The following SLC3A2 variants were observed in gnomAD, a reference collection of about 807,000 sequenced individuals.
SLC3A2 encodes solute carrier family 3 member 2.
In SLC3A2, 32 loss-of-function variants were observed where a neutral mutation model predicts 48.5. That is an observed-to-expected ratio of 0.66 (90% CI 0.50 to 0.89). SLC3A2 has a LOEUF of 0.89. SLC3A2 is among the 40% of genes least tolerant of loss of function. The pLI is 0.00. For missense variants in SLC3A2, 587 were observed against 680.7 expected, an observed-to-expected ratio of 0.86 and a Z score of 1.53; for synonymous variants, 277 against 288.8, an observed-to-expected ratio of 0.96 and a Z score of 0.41.
Position 62,885,361 on chromosome 11 carries a change from A to C in SLC3A2, c.999+4A>C. ...CAATCGCTGGTGCAGCTGGAGTGTG[A>C]GTACCATGCTGGTGGGAAAGGGGGC... On this transcript the variant is annotated splice_donor_region_variant and intron_variant, in intron 6 of 8. Coordinates refer to ENST00000338663, the MANE Select transcript of SLC3A2 (RefSeq NM_001013251.3). 6.2e-7 allele frequency: 1 copy of C among 1,614,160 alleles called. No homozygotes were observed. The highest frequency in any genetic ancestry group is 8.5e-7 in the Non-Finnish European group (1 of 1,180,012).
chr11:62,872,671 C>T (rs995205480), intron 1 of SLC3A2, among the ~76,000 whole-genome samples: 3 of 152,206 alleles, frequency 2.0e-5, no homozygotes, highest in Admixed American at 1.3e-4. Context: ...GGCTCGATCT[C>T]GGCTCACTGC....
intron 1 of SLC3A2, among the ~76,000 whole-genome samples, chr11:62,859,819 C>T (rs559117362): frequency 2.0e-5 from 3 of 152,158 alleles, no homozygotes; most frequent in South Asian, 2.1e-4. Flanking sequence ...CTGGGTGGAG[C>T]GGCTCACGCC....
Position 62,888,746 on chromosome 11 carries a change from G to A in SLC3A2, c.*53G>A. ...TTCTCCTTTCCTTCCCAGGCCCTTT[G>A]GCTTCTGATTTTTCTCTTTTTTAAA... On this transcript the variant is annotated 3_prime_UTR_variant, in exon 9 of 9. Coordinates refer to ENST00000338663, the MANE Select transcript of SLC3A2 (RefSeq NM_001013251.3). The A allele has an allele frequency of 6.8e-7, 1 of 1,469,504 alleles. No homozygotes were observed. The highest frequency in any genetic ancestry group is 9.1e-7 in the Non-Finnish European group (1 of 1,101,372). 91.0% of individuals were successfully genotyped at this position (1,469,504 alleles called of 1,614,324 possible).
chr11:62,857,563 G>A (rs1350793884), intron 1 of SLC3A2, among the ~76,000 whole-genome samples: 1 of 151,992 alleles, frequency 6.6e-6, no homozygotes, highest in Non-Finnish European at 1.5e-5. Context: ...GGTGGTGCAT[G>A]CCTGTAGCCC....
chr11:62,884,813 C>CTTTTTTTTTTTTTTTTTT (rs541507991), intron 5 of SLC3A2, 123 bp downstream of exon 5: 17 of 56,016 alleles, frequency 3.0e-4, no homozygotes, highest in African/African-American at 9.2e-4. Context: ...CTTTCTTTAG[C>CTTTTTTTTTTTTTTTTTT]TTTTTTTTTT....
At chr11:62,863,120 C>G (rs1250320594) in intron 1 of SLC3A2, among the ~76,000 whole-genome samples, 1 of 152,108 alleles carries the variant, frequency 6.6e-6, no homozygotes, top group Non-Finnish European at 1.5e-5. Context: ...GGGGTTTCAC[C>G]ATGTTGGCCA....
chr11:62,859,932 G>A (rs1386949315), intron 1 of SLC3A2, among the ~76,000 whole-genome samples: 2 of 152,180 alleles, frequency 1.3e-5, no homozygotes, highest in African/African-American at 4.8e-5. Flanking sequence ...AAAGTATAGA[G>A]GAAGAAAAGT....
At chr11:62,880,712 C>CT (rs1284054827), upstream of SLC3A2, 2 of 314,280 alleles carry the variant, frequency 6.4e-6, no homozygotes, top group Admixed American at 9.3e-5. Context: ...TTGAAAAGAA[C>CT]TTTAGGGTTA....
At chr11:62,861,875 C>T (rs556945452) in intron 1 of SLC3A2, among the ~76,000 whole-genome samples, 42 of 146,380 alleles carry the variant, frequency 2.9e-4, no homozygotes, top group Non-Finnish European at 5.1e-4. Flanking sequence ...CGTGCCACTG[C>T]ACTCCAGCCT....
chr11:62,861,893 A>G (rs2085402189), intron 1 of SLC3A2, among the ~76,000 whole-genome samples: 1 of 148,592 alleles, frequency 6.7e-6, no homozygotes, highest in Non-Finnish European at 1.5e-5. Flanking sequence ...CCTGGCCAAC[A>G]AGAGCAAAAC....
At chr11:62,878,895 C>T (rs2085599210), upstream of SLC3A2, among the ~76,000 whole-genome samples, 1 of 151,042 alleles carries the variant, frequency 6.6e-6, no homozygotes, top group South Asian at 2.1e-4. Context: ...ATGCCTCACC[C>T]CTCCAAGTCT....
At chr11:62,869,844 G>A (rs1226983115) in intron 1 of SLC3A2, among the ~76,000 whole-genome samples, 7 of 150,316 alleles carry the variant, frequency 4.7e-5, no homozygotes, top group African/African-American at 9.8e-5. Flanking sequence ...GTGCAGTGGC[G>A]CGATCTCGGC....
At chr11:62,880,181 T>C (rs1384080326), upstream of SLC3A2, among the ~76,000 whole-genome samples, 1 of 152,224 alleles carries the variant, frequency 6.6e-6, no homozygotes, top group East Asian at 1.9e-4. Context: ...GGGGGGTGTC[T>C]ACCTCAACCT....
Position 62,888,446 on chromosome 11 carries a change from G to A in SLC3A2, c.1343G>A (p.Gly448Glu), listed in dbSNP as rs1353946654. Reference protein sequence around the residue: ...GDFHAFSAGPGLFSYIRHWDQ... With the variant: ...GDFHAFSAGPELFSYIRHWDQ... The stretch of plus-strand genomic sequence containing the variant: ...TTCCACGCGTTCTCCGCTGGGCCTG[G>A]ACTCTTCTCCTATATCCGCCACTGG... The change falls in exon 9 of 9, where the codon GGA becomes GAA. Residue 448 changes from glycine (G) to glutamate (E), a missense_variant. Physicochemically the swap from Gly to Glu is moderately conservative, Grantham distance 98. This residue lies in a region of SLC3A2 where 169 missense variants were observed against 204.4 expected (regional missense o/e 0.83). Transcript: ENST00000338663. 5 of 1,614,102 alleles carry A rather than the reference G, an allele frequency of 3.1e-6. No homozygotes were observed. Among genetic ancestry groups the A allele is most frequent in the Non-Finnish European group, 4.2e-6 (5 of 1,180,046 alleles).
chr11:62,888,511 G>T lies in SLC3A2; in HGVS notation c.1408G>T (p.Asp470Tyr), dbSNP rs931124662. ...TTTTCTGGTAGTGCTTAACTTTGGGGATGTGGGCCTCTCGGCTGGACTGCA... is the reference window on the plus strand; with the variant it reads ...TTTTCTGGTAGTGCTTAACTTTGGGTATGTGGGCCTCTCGGCTGGACTGCA... ...ERFLVVLNFG[D>Y]VGLSAGLQAS... Residue 470 changes from aspartate to tyrosine, a missense_variant, in exon 9 of 9, where the codon GAT becomes TAT. By Grantham distance (160) the Asp-to-Tyr change is radical. Coordinates refer to ENST00000338663, the MANE Select transcript of SLC3A2 (RefSeq NM_001013251.3). 6.8e-6 allele frequency: 11 copies of T among 1,614,112 alleles called. No homozygotes were observed. The Admixed American group carries it at 1.7e-4, about 24-fold the overall frequency.
intron 1 of SLC3A2, among the ~76,000 whole-genome samples, chr11:62,856,904 C>T (rs571757906): frequency 2.0e-5 from 3 of 151,296 alleles, no homozygotes; most frequent in South Asian, 2.1e-4. Flanking sequence ...CAGCTCACTG[C>T]ATTCCACCTC....
chr11:62,884,551 C>G (rs367621753), intron 4 of SLC3A2, 26 bp downstream of exon 4: 7 of 1,613,868 alleles, frequency 4.3e-6, no homozygotes, highest in Admixed American at 1.7e-5. Flanking sequence ...ACATTAGGGA[C>G]AAAGCTTGGG....
chr11:62,862,603 C>G (rs507101), intron 1 of SLC3A2, among the ~76,000 whole-genome samples: 2,992 of 152,160 alleles, frequency 0.02, 96 homozygotes, highest in African/African-American at 0.068. Flanking sequence ...AATCATCCTG[C>G]TATCTCTATT....
Position 62,888,701 on chromosome 11 carries a change from C to G in SLC3A2, c.*8C>G. ...TTCCCCTACGCGGCCTGACTTCAGC[C>G]TGACATGGACCCACTACCCTTCTCC... On this transcript the variant is annotated 3_prime_UTR_variant, in exon 9 of 9. Coordinates refer to ENST00000338663, the MANE Select transcript of SLC3A2 (RefSeq NM_001013251.3). 1 of 1,576,298 alleles carries G rather than the reference C, an allele frequency of 6.3e-7. No individual in the cohort carries two copies.
Sources: gnomAD v4.1 joint callset for allele counts (sites outside exome capture counted in the v4.1 genomes callset) on GRCh38, gnomAD v4.1.1 for gene constraint, gnomAD v4.1.1 regional missense constraint, MANE v1.5 for transcripts, NCBI Gene and HGNC (gene_info 2026-07-23, HGNC 2026-07-21) for gene names.